DIP2C: variants seen among roughly 807,000 people sequenced by gnomAD.
DIP2C encodes disco-interacting protein 2 homolog C.
A neutral mutation model predicts 192.4 loss-of-function variants in DIP2C; 33 were observed. That is an observed-to-expected ratio of 0.17 (90% confidence interval 0.13 to 0.23). DIP2C has a LOEUF of 0.23. Ranked by LOEUF, DIP2C falls within the 10% of genes least tolerant of loss-of-function variation. The pLI is 1.00. For missense variants in DIP2C, 1,537 were observed against 2,110.1 expected (o/e 0.73, Z 5.32); for synonymous variants, 979 against 864.1 (o/e 1.13, Z -2.33).
At chr10:431,512 C>T (rs903273498) in intron 4 of DIP2C, among the ~76,000 whole-genome samples, 1 of 152,150 alleles carries the variant, frequency 6.6e-6, no homozygotes, top group African/African-American at 2.4e-5. Context: ...GTCTCGAACT[C>T]CTGACCTCAA....
chr10:297,682 G>A (rs1165848044), intron 32 of DIP2C, among the ~76,000 whole-genome samples: 1 of 152,190 alleles, frequency 6.6e-6, no homozygotes, highest in Non-Finnish European at 1.5e-5. Flanking sequence ...AGGGAGGGAT[G>A]GGGAGAGATT....
At chr10:311,969 G>A (rs1956586120) in intron 31 of DIP2C, among the ~76,000 whole-genome samples, 1 of 152,116 alleles carries the variant, frequency 6.6e-6, no homozygotes, top group Non-Finnish European at 1.5e-5. Context: ...ATCTGTTGAG[G>A]TAGTTCCAAG....
intron 1 of DIP2C, among the ~76,000 whole-genome samples, chr10:493,386 C>T (rs1477668274): frequency 1.3e-5 from 2 of 152,158 alleles, no homozygotes; most frequent in Non-Finnish European, 2.9e-5. Context: ...CTCAATTTTG[C>T]AGATCTCAGG....
intron 2 of DIP2C, among the ~76,000 whole-genome samples, chr10:484,289 TACCTCTA>T (rs1401080056): frequency 1.3e-5 from 2 of 152,228 alleles, no homozygotes; most frequent in East Asian, 3.8e-4. Context: ...ACAGAATCCT[TACCTCTA>T]AGAACATACT....
At position 336,508 on chromosome 10, in the gene DIP2C, G is replaced by A. The variant is rs1957775079; in HGVS notation, c.3584+4691C>T. Among the ~76,000 whole-genome samples, 3 of 152,074 alleles carry A rather than the reference G, an allele frequency of 2.0e-5. No individual in the cohort carries two copies. In the South Asian group the frequency reaches 6.2e-4, roughly 32 times the overall value. On this transcript the variant is annotated intron_variant, in intron 29 of 36. Coordinates refer to ENST00000280886, the MANE Select transcript of DIP2C (RefSeq NM_014974.3). ...GCATCTTAGAGATGAAGCCTACTTGGGCACGGTGGATTAGGTTTTTGATGA... is the reference window on the plus strand; with the variant it reads ...GCATCTTAGAGATGAAGCCTACTTGAGCACGGTGGATTAGGTTTTTGATGA...
At chr10:283,899 A>G (rs117998455) in intron 34 of DIP2C, among the ~76,000 whole-genome samples, 2 of 152,350 alleles carry the variant, frequency 1.3e-5, no homozygotes, top group East Asian at 1.9e-4. Context: ...AACACACAGA[A>G]AAACAAAACC....
chr10:494,294 T>C (rs1844656968), intron 1 of DIP2C, among the ~76,000 whole-genome samples: 2 of 152,194 alleles, frequency 1.3e-5, no homozygotes, highest in South Asian at 4.1e-4. Context: ...GAGGAGGACA[T>C]CTCTGTCAAC....
chr10:363,115 C>A lies in DIP2C; in HGVS notation c.2592+82G>T. 2 of 1,278,194 alleles carry A rather than the reference C, an allele frequency of 1.6e-6. No homozygotes were observed. The highest frequency in any genetic ancestry group is 2.1e-5 in the Admixed American group (1 of 48,778). The allele number at this position is 1,278,194 out of a possible 1,614,324, so 79.2% of individuals were successfully genotyped here. ...GGCCACCCCATGGGCAAAGCAACAGCTGGTCACACCATGATCTGAATGAAG... is the reference window on the plus strand; with the variant it reads ...GGCCACCCCATGGGCAAAGCAACAGATGGTCACACCATGATCTGAATGAAG... On this transcript the variant is annotated intron_variant, in intron 21 of 36. Transcript: ENST00000280886. This position sits in a 1 kb window ranked among gnomAD's most constrained non-coding sequence, Gnocchi z 5.4.
At chr10:407,962 G>A (rs1255507228) in intron 9 of DIP2C, among the ~76,000 whole-genome samples, 1 of 152,042 alleles carries the variant, frequency 6.6e-6, no homozygotes, top group Non-Finnish European at 1.5e-5. Flanking sequence ...TTTGTTGCCT[G>A]TGGTTCGGGT....
At chr10:465,985 T>C (rs1313141364) in intron 3 of DIP2C, among the ~76,000 whole-genome samples, 1 of 152,150 alleles carries the variant, frequency 6.6e-6, no homozygotes, top group Non-Finnish European at 1.5e-5. Context: ...ACAGATTCAA[T>C]GACATCCCCA....
intron 1 of DIP2C, among the ~76,000 whole-genome samples, chr10:623,010 G>A (rs149795936): frequency 7.9e-5 from 12 of 152,312 alleles, no homozygotes; most frequent in Middle Eastern, 3.4e-3. Flanking sequence ...ATTCTACAGC[G>A]CAAAGCATAA....
chr10:682,198 C>T (rs1025810471), intron 1 of DIP2C, among the ~76,000 whole-genome samples: 6 of 152,248 alleles, frequency 3.9e-5, no homozygotes, highest in African/African-American at 9.6e-5. Flanking sequence ...CCTGCAGCAA[C>T]GCACTCAGGA....
intron 1 of DIP2C, among the ~76,000 whole-genome samples, chr10:588,684 G>C (rs868580981): frequency 6.6e-6 from 1 of 152,212 alleles, no homozygotes; most frequent in Non-Finnish European, 1.5e-5. Context: ...TCGTGAGGCA[G>C]GCAGCCTTCG....
intron 1 of DIP2C, among the ~76,000 whole-genome samples, chr10:534,413 GC>G (rs1179836968): frequency 6.6e-6 from 1 of 152,224 alleles, no homozygotes; most frequent in African/African-American, 2.4e-5. Context: ...ATGCCAACCA[GC>G]CCCGACCTTC....
chr10:652,529 A>T lies in DIP2C; in HGVS notation c.85+36965T>A, dbSNP rs1013747132. On this transcript the variant is annotated intron_variant, in intron 1 of 36. Transcript: ENST00000280886. This position sits in a 1 kb window ranked among gnomAD's most constrained non-coding sequence, Gnocchi z 4.5. Reference sequence around the variant, plus strand: ...CCTCAGGCCACCTGTCTCATCCGTGACCGAGAAACGGAGCTGCAGTGGGAG... The same window carrying T: ...CCTCAGGCCACCTGTCTCATCCGTGTCCGAGAAACGGAGCTGCAGTGGGAG... The T allele has an allele frequency of 4.5e-5, 7 of 154,354 alleles. No individual in the cohort carries two copies. The highest frequency in any genetic ancestry group is 1.7e-4 in the African/African-American group (7 of 41,388). The allele number at this position is 154,354 out of a possible 1,614,324, so 9.6% of individuals were successfully genotyped here. A position where few individuals can be genotyped will look rare whatever the true frequency, so the allele number is the denominator to read the frequency against.
At chr10:529,769 T>C (rs1192496465) in intron 1 of DIP2C, among the ~76,000 whole-genome samples, 3 of 151,892 alleles carry the variant, frequency 2.0e-5, no homozygotes, top group South Asian at 2.1e-4. Flanking sequence ...CCTCCTGCTA[T>C]GGAAAGGTTT....
intron 32 of DIP2C, among the ~76,000 whole-genome samples, chr10:291,245 G>A (rs369337087): frequency 3.3e-5 from 5 of 152,218 alleles, no homozygotes; most frequent in African/African-American, 9.6e-5. Flanking sequence ...GAAGCAAGAC[G>A]GAATCTCAGC....
In DIP2C at chr10:356,421, C is replaced by T. The variant is rs750255026; in HGVS notation, c.2985+5G>A. The T allele has an allele frequency of 9.9e-6, 16 of 1,610,968 alleles. No homozygotes were observed. The highest frequency in any genetic ancestry group is 3.3e-4 in the Middle Eastern group (2 of 6,060). ...TAGCCAGGGAAGGCCAGCTCCGCGC[C>T]TCACCCGACAGTTGAGCAGCGTGTA... On this transcript the variant is annotated splice_donor_5th_base_variant and intron_variant, in intron 24 of 36. Coordinates refer to ENST00000280886, the MANE Select transcript of DIP2C (RefSeq NM_014974.3).
At chr10:303,695 G>A (rs1289387936) in intron 32 of DIP2C, among the ~76,000 whole-genome samples, 1 of 151,852 alleles carries the variant, frequency 6.6e-6, no homozygotes, top group African/African-American at 2.4e-5. Flanking sequence ...GGCTGATTTT[G>A]TATTTTTAGT....
Sources: gnomAD v4.1 joint callset for allele counts (sites outside exome capture counted in the v4.1 genomes callset) on GRCh38, gnomAD v4.1.1 for gene constraint, Gnocchi (gnomAD v3.1) non-coding constraint, MANE v1.5 for transcripts, NCBI Gene and HGNC (gene_info 2026-07-23, HGNC 2026-07-21) for gene names.